ATRX: variants seen among roughly 807,000 people sequenced by gnomAD.
ATRX encodes ATRX chromatin remodeler.
In ATRX, 12 loss-of-function variants were observed where a neutral mutation model predicts 172.6. The ratio of observed to expected loss-of-function variants is 0.07; its 90% CI spans 0.04 to 0.11. The LOEUF is 0.11. ATRX is among the 10% of genes least tolerant of loss of function. ATRX has a pLI of 1.00. For missense variants in ATRX, 1,368 were observed against 1,767.4 expected (o/e 0.77, Z 4.05); for synonymous variants, 674 against 594.7 (o/e 1.13, Z -1.94).
intron 19 of ATRX, among the ~76,000 whole-genome samples, chrX:77,626,150 T>C (rs189089845): frequency 0.011 from 1,032 of 97,491 alleles, 15 homozygotes; most frequent in African/African-American, 0.037. Flanking sequence ...TGGATGAGAC[T>C]TGGGACTATT....
intron 1 of ATRX, among the ~76,000 whole-genome samples, chrX:77,764,597 T>C (rs2075840980): frequency 8.9e-6 from 1 of 112,367 alleles, no homozygotes; most frequent in Non-Finnish European, 1.9e-5. Context: ...AAGATGTATT[T>C]TTCATGTAGA....
chrX:77,511,443 C>T (rs949709853), intron 34 of ATRX, among the ~76,000 whole-genome samples: 3 of 111,580 alleles, frequency 2.7e-5, no homozygotes, highest in Middle Eastern at 4.7e-3. Flanking sequence ...CCAGGAAACA[C>T]GACATCACCA....
intron 1 of ATRX, among the ~76,000 whole-genome samples, chrX:77,740,168 C>T (rs782278530): frequency 7.6e-4 from 81 of 106,156 alleles, no homozygotes; most frequent in African/African-American, 2.6e-3. Flanking sequence ...CAAGAAAAAA[C>T]GCTGAGAAAA....
Position 77,505,276 on chromosome X carries a change from T to A in ATRX, c.*3075A>T, listed in dbSNP as rs1195131010. 1.1e-5 allele frequency: 2 copies of A among 174,550 alleles called. No homozygotes were observed. The highest frequency in any genetic ancestry group is 1.1e-5 in the Non-Finnish European group (1 of 91,000). The allele number at this position is 174,550 out of a possible 1,213,427, so 14.4% of individuals were successfully genotyped here. On this transcript the variant is annotated 3_prime_UTR_variant, in exon 35 of 35. Coordinates refer to ENST00000373344, the MANE Select transcript of ATRX (RefSeq NM_000489.6). ...GCACATAAATATCGATCTGATTTTA[T>A]GATAATGGAGGGAAAATGAACATAG...
At chrX:77,617,602 A>C (rs1279821193) in intron 21 of ATRX, among the ~76,000 whole-genome samples, 1 of 111,936 alleles carries the variant, frequency 8.9e-6, no homozygotes, top group Non-Finnish European at 1.9e-5. Flanking sequence ...AATGCCTCAC[A>C]CAATACAAAT....
intron 27 of ATRX, among the ~76,000 whole-genome samples, chrX:77,579,493 G>T (rs138754573): frequency 3.8e-5 from 4 of 106,149 alleles, no homozygotes; most frequent in Non-Finnish European, 3.8e-5. Flanking sequence ...AAGAGAACAA[G>T]ATTCTCCATC....
At chrX:77,537,791 G>C (rs944644298) in intron 30 of ATRX, among the ~76,000 whole-genome samples, 1 of 111,669 alleles carries the variant, frequency 9.0e-6, no homozygotes, top group African/African-American at 3.3e-5. Flanking sequence ...GAAAATCCTA[G>C]ATATATGGCT....
intron 30 of ATRX, among the ~76,000 whole-genome samples, chrX:77,541,472 G>C (rs782467896): frequency 1.6e-4 from 18 of 111,722 alleles, no homozygotes; most frequent in Non-Finnish European, 2.4e-4. Context: ...ATTTTATGAG[G>C]CCAGCATCCT....
chrX:77,726,694 T>C (rs1399735472), intron 1 of ATRX, among the ~76,000 whole-genome samples: 13 of 111,433 alleles, frequency 1.2e-4, no homozygotes, highest in Non-Finnish European at 2.3e-4. Flanking sequence ...CAAAAGGAGC[T>C]TGAGGCAGAT....
At chrX:77,553,800 C>T (rs1440850532) in intron 30 of ATRX, among the ~76,000 whole-genome samples, 4 of 111,638 alleles carry the variant, frequency 3.6e-5, no homozygotes, top group African/African-American at 1.3e-4. Flanking sequence ...ATGAATATTC[C>T]TTCCTTGGCA....
chrX:77,661,466 T>C (rs2069895656), intron 12 of ATRX, among the ~76,000 whole-genome samples: 1 of 66,085 alleles, frequency 1.5e-5, no homozygotes, highest in African/African-American at 3.7e-5. Context: ...ATACAGTAAT[T>C]GAAAAAAAAA....
chrX:77,537,606 G>T (rs185714840), intron 30 of ATRX, among the ~76,000 whole-genome samples: 1 of 110,911 alleles, frequency 9.0e-6, no homozygotes, highest in Non-Finnish European at 1.9e-5. Context: ...AGGCTGAAGC[G>T]GGAGGATTGC....
chrX:77,557,640 G>A lies in ATRX; in HGVS notation c.6510C>T (p.Thr2170=), dbSNP rs2064852188. The change falls in exon 30 of 35, where the codon ACC becomes ACT. Residue 2170 remains threonine, a synonymous_variant. Transcript: ENST00000373344. ...GCCGATCATAAATCTTATCTTCCAT[G>A]GTTCCCTTTGTAAAAAGAAGGAAGA... The part of the protein sequence containing the change: ...VYVYRFLAQG[T]MEDKIYDRQV... The A allele has an allele frequency of 8.4e-7, 1 of 1,195,194 alleles. No individual in the cohort carries two copies. Among genetic ancestry groups the A allele is most frequent in the South Asian group, 1.9e-5 (1 of 53,600 alleles).
intron 30 of ATRX, among the ~76,000 whole-genome samples, chrX:77,537,670 T>TA (rs201133184): frequency 0.067 from 7,036 of 105,766 alleles, 273 homozygotes; most frequent in African/African-American, 0.13. Flanking sequence ...CTCTATCTCT[T>TA]AAAAAAAAAA....
chrX:77,569,135 A>G (rs1282061511), intron 28 of ATRX, among the ~76,000 whole-genome samples: 2 of 110,232 alleles, frequency 1.8e-5, no homozygotes, highest in East Asian at 5.8e-4. Context: ...AAACAAAAAC[A>G]ACCCCCCCAC....
intron 27 of ATRX, among the ~76,000 whole-genome samples, chrX:77,579,827 G>A (rs993558696): frequency 8.9e-6 from 1 of 112,105 alleles, no homozygotes; most frequent in Non-Finnish European, 1.9e-5. Flanking sequence ...ACAGGGAATC[G>A]GGAAAATCCG....
At chrX:77,670,482 C>T (rs1557129099) in intron 10 of ATRX, among the ~76,000 whole-genome samples, 1 of 112,195 alleles carries the variant, frequency 8.9e-6, no homozygotes, top group Non-Finnish European at 1.9e-5. Context: ...TGGCCGGGCA[C>T]GATGGCTCAC....
chrX:77,765,177 CAAAACAAACA>C (rs1440245408), intron 1 of ATRX, among the ~76,000 whole-genome samples: 2 of 111,413 alleles, frequency 1.8e-5, no homozygotes, highest in Non-Finnish European at 3.8e-5. Context: ...CAAAAACAAA[CAAAACAAACA>C]AAAACAAACA....
intron 34 of ATRX, among the ~76,000 whole-genome samples, chrX:77,519,996 C>T (rs1557040631): frequency 8.9e-6 from 1 of 112,002 alleles, no homozygotes; most frequent in African/African-American, 3.2e-5. Flanking sequence ...GAGATACTGC[C>T]ATTTGCAATA....
Sources: allele counts gnomAD v4.1 joint callset (sites outside exome capture counted in the v4.1 genomes callset), GRCh38; gene constraint gnomAD v4.1.1; transcripts MANE v1.5; gene names NCBI Gene and HGNC (gene_info 2026-07-23, HGNC 2026-07-21).